Variants in NARS1 observed in about 807,000 individuals in gnomAD.
NARS1 encodes asparaginyl-tRNA synthetase 1, also known as asparagine--tRNA ligase, cytoplasmic.
A neutral mutation model predicts 79.2 loss-of-function variants in NARS1; 65 were observed. The ratio of observed to expected loss-of-function variants is 0.82; its 90% CI spans 0.67 to 1.01. The LOEUF (loss-of-function observed/expected upper bound fraction) is 1.01, where lower values mean the gene tolerates loss of function less well. Among genes scored for constraint, NARS1 ranks in the 50% least tolerant of loss-of-function variants. The pLI, the probability that NARS1 is intolerant of heterozygous loss-of-function variation, is 0.00. For missense variants in NARS1, 649 were observed against 673.8 expected, an observed-to-expected ratio of 0.96 and a Z score of 0.41; for synonymous variants, 229 against 238.8, an observed-to-expected ratio of 0.96 and a Z score of 0.38.
In NARS1 at chr18:57,607,292, A is replaced by G; in HGVS notation, c.843T>C (p.Gly281=). ...AATAGTCAAGCTTGAAGAGTGTGGC[A>G]CCACCTTCTACTTGTGTTTGCACTA... ...PTLVQTQVEG[G]ATLFKLDYFG... Residue 281 remains glycine (G), a synonymous_variant, in exon 9 of 14, where the codon GGT becomes GGC. Transcript: ENST00000256854. The G allele has an allele frequency of 6.2e-7, 1 of 1,614,170 alleles. No homozygotes were observed. The highest frequency in any genetic ancestry group is 8.5e-7 in the Non-Finnish European group (1 of 1,180,020).
intron 6 of NARS1, among the ~76,000 whole-genome samples, chr18:57,610,873 G>A (rs543715625): frequency 1.3e-5 from 2 of 151,956 alleles, no homozygotes; most frequent in African/African-American, 4.8e-5. Flanking sequence ...TAAAAAGGCA[G>A]TACGAACTGA....
intron 2 of NARS1, among the ~76,000 whole-genome samples, chr18:57,618,338 G>T (rs78030919): frequency 1.3e-5 from 2 of 149,982 alleles, no homozygotes; most frequent in African/African-American, 2.5e-5. Flanking sequence ...AAAACCAAGA[G>T]AGAAGGTCCC....
rs778721061 is a variant in NARS1, at chr18:57,602,879, C to A, written c.1316G>T (p.Arg439Leu). The change falls in exon 12 of 14, where the codon CGA becomes CTA. Residue 439 changes from arginine to leucine, a missense_variant. Physicochemically the swap from Arg to Leu is moderately radical, Grantham distance 102. Transcript: ENST00000256854. ...DTINEPILLC[R>L]FPVEIKSFYM... ...GAAGGACTTGATCTCCACAGGAAATCGACACAGCAAGATTGGTTCATTAAT... is the reference window on the plus strand; with the variant it reads ...GAAGGACTTGATCTCCACAGGAAATAGACACAGCAAGATTGGTTCATTAAT... The A allele has an allele frequency of 6.2e-6, 10 of 1,614,018 alleles. No individual in the cohort carries two copies. The highest frequency in any genetic ancestry group is 8.5e-6 in the Non-Finnish European group (10 of 1,179,942).
chr18:57,609,457 A>G lies in NARS1; in HGVS notation c.493-14T>C. 6.2e-7 allele frequency: 1 copy of G among 1,606,604 alleles called. No individual in the cohort carries two copies. The highest frequency in any genetic ancestry group is 1.1e-5 in the South Asian group (1 of 90,136). ...GTAGCACTGACACTATAAAAAGGTC[A>G]AAGCTCAAATTTAGTTATTCACATT... is the stretch of plus-strand genomic sequence containing the variant. On this transcript the variant is annotated splice_polypyrimidine_tract_variant and intron_variant, in intron 6 of 13. Coordinates refer to ENST00000256854, the MANE Select transcript of NARS1 (RefSeq NM_004539.4).
Position 57,609,356 on chromosome 18 carries a change from C to T in NARS1, c.579+1G>A. 1 of 1,611,930 alleles carries T rather than the reference C, an allele frequency of 6.2e-7. No homozygotes were observed. The highest frequency in any genetic ancestry group is 8.5e-7 in the Non-Finnish European group (1 of 1,178,406). On this transcript the variant is annotated splice_donor_variant, in intron 7 of 13. Transcript: ENST00000256854. LOFTEE classifies it high-confidence loss of function. ...CCCAGTGCGAAACTCAATCCACTCA[C>T]CTGCTTGCCCTTTGGGGTAAGATTT...
Position 57,615,676 on chromosome 18 carries a change from T to C in NARS1, c.307A>G (p.Ile103Val). Residue 103 changes from isoleucine to valine, a missense_variant, in exon 4 of 14, where the codon ATT becomes GTT. Coordinates refer to ENST00000256854, the MANE Select transcript of NARS1 (RefSeq NM_004539.4). ...KNLEEAKKIT[I>V]KNDPSLPEPK... is the part of the protein sequence containing the mutation. ...TCTGGGAGACTTGGATCATTTTTAA[T>C]GGTAATCTTCTTTGCTTCTTCCAGG... 6.2e-7 allele frequency: 1 copy of C among 1,613,160 alleles called. No homozygotes were observed. Among genetic ancestry groups the C allele is most frequent in the African/African-American group, 1.3e-5 (1 of 74,996 alleles).
Position 57,615,660 on chromosome 18 carries a change from C to G in NARS1, c.323G>C (p.Ser108Thr), listed in dbSNP as rs777515260. The change falls in exon 4 of 14, where the codon AGT becomes ACT. Residue 108 changes from serine to threonine, a missense_variant. Coordinates refer to ENST00000256854, the MANE Select transcript of NARS1 (RefSeq NM_004539.4). ...ACTTACACATTTTGGCTCTGGGAGA[C>G]TTGGATCATTTTTAATGGTAATCTT... is the stretch of plus-strand genomic sequence containing the variant. Reference protein sequence around the residue: ...AKKITIKNDPSLPEPKCVKIG... With the variant: ...AKKITIKNDPTLPEPKCVKIG... 3.1e-6 allele frequency: 5 copies of G among 1,612,396 alleles called. No homozygotes were observed. The South Asian group carries it at 3.3e-5, about 11-fold the overall frequency.
chr18:57,604,799 G>A (rs1264230235), intron 11 of NARS1, among the ~76,000 whole-genome samples: 5 of 152,094 alleles, frequency 3.3e-5, no homozygotes, highest in African/African-American at 9.7e-5. Flanking sequence ...TGATGTAGGA[G>A]GAACACTTGA....
intron 13 of NARS1, 95 bp downstream of exon 13, chr18:57,602,260 A>C: frequency 8.5e-7 from 1 of 1,176,718 alleles, no homozygotes; most frequent in Admixed American, 2.4e-5. Flanking sequence ...CAAATACCAA[A>C]GTACTACCCT....
Position 57,602,841 on chromosome 18 carries a change from A to G in NARS1, c.1354T>C (p.Cys452Arg). The change falls in exon 12 of 14, where the codon TGT becomes CGT. Residue 452 changes from cysteine (C) to arginine (R), a missense_variant. Cys to Arg is a radical substitution (Grantham distance 180). Transcript: ENST00000256854. ...VEIKSFYMQR[C>R]PEDSRLTESV... ...TCAGTAAGACGGGAATCCTCAGGAC[A>G]TCGCTGCATGTAGAAGGACTTGATC... is the stretch of plus-strand genomic sequence containing the variant. 6.2e-7 allele frequency: 1 copy of G among 1,614,148 alleles called. No homozygotes were observed. The highest frequency in any genetic ancestry group is 1.3e-5 in the African/African-American group (1 of 75,054).
intron 12 of NARS1, 78 bp downstream of exon 12, chr18:57,602,734 G>C: frequency 1.3e-6 from 2 of 1,501,054 alleles, no homozygotes; most frequent in Non-Finnish European, 1.8e-6. Context: ...TTTGGCATGA[G>C]CTGTACCTGA....
chr18:57,601,468 T>G lies in NARS1; in HGVS notation c.*184A>C. 1 of 532,766 alleles carries G rather than the reference T, an allele frequency of 1.9e-6. No homozygotes were observed. Among genetic ancestry groups the G allele is most frequent in the Non-Finnish European group, 3.0e-6 (1 of 337,506 alleles). The allele number at this position is 532,766 out of a possible 1,614,324, so 33.0% of individuals were successfully genotyped here. A position where few individuals can be genotyped will look rare whatever the true frequency, so the allele number is the denominator to read the frequency against. On this transcript the variant is annotated 3_prime_UTR_variant, in exon 14 of 14. Transcript: ENST00000256854. ...TAAGAAAAAAATGGATATTTTTTCT[T>G]AAGATGACAACCTTAATATCACTTG...
intron 11 of NARS1, among the ~76,000 whole-genome samples, chr18:57,605,557 A>C (rs1459804542): frequency 6.7e-6 from 1 of 148,382 alleles, no homozygotes; most frequent in African/African-American, 2.5e-5. Context: ...CAGTGAGCCG[A>C]GATCTGAGAT....
chr18:57,611,716 T>C lies in NARS1; in HGVS notation c.422-9A>G. ...AAACATTAAATTCTTTCCTAAAAAA[T>C]GAGAAATAATAATTTAGGCAGACTG... On this transcript the variant is annotated splice_polypyrimidine_tract_variant and intron_variant, in intron 5 of 13. Transcript: ENST00000256854. 1 of 1,542,666 alleles carries C rather than the reference T, an allele frequency of 6.5e-7. No individual in the cohort carries two copies. Among genetic ancestry groups the C allele is most frequent in the South Asian group, 1.2e-5 (1 of 83,374 alleles).
chr18:57,619,031 T>C (rs890710271), intron 2 of NARS1, among the ~76,000 whole-genome samples: 3 of 152,144 alleles, frequency 2.0e-5, no homozygotes, highest in African/African-American at 7.2e-5. Flanking sequence ...TAACTATAAA[T>C]GTTGTAACAC....
In NARS1 at chr18:57,606,009, T is replaced by C. The variant is rs764162456; in HGVS notation, c.1138-39A>G. ...GAAAAATATAATGTGTATATATACA[T>C]AAATATAAACATTAACACTAAAATT... On this transcript the variant is annotated intron_variant, in intron 10 of 13. Transcript: ENST00000256854. 10 of 1,263,038 alleles carry C rather than the reference T, an allele frequency of 7.9e-6. 1 individual carries two copies. Among genetic ancestry groups the C allele is most frequent in the Non-Finnish European group, 1.1e-5 (10 of 899,230 alleles). 78.2% of individuals were successfully genotyped at this position (1,263,038 alleles called of 1,614,324 possible).
Position 57,621,815 on chromosome 18 carries a change from T to C in NARS1, c.-98A>G. ...ACCGGCGGTTTCCGCGATTCCGGCG[T>C]TGCATCAGAGAGCGTAGATCTGAGG... On this transcript the variant is annotated 5_prime_UTR_variant, in exon 1 of 14. Coordinates refer to ENST00000256854, the MANE Select transcript of NARS1 (RefSeq NM_004539.4). 6.3e-7 allele frequency: 1 copy of C among 1,594,230 alleles called. No homozygotes were observed. The highest frequency in any genetic ancestry group is 2.3e-5 in the East Asian group (1 of 42,936).
At chr18:57,612,452 T>C (rs954940723) in intron 5 of NARS1, among the ~76,000 whole-genome samples, 2 of 152,246 alleles carry the variant, frequency 1.3e-5, no homozygotes, top group African/African-American at 4.8e-5. Context: ...CGCTTTTTTT[T>C]CAGATGGAGT....
intron 11 of NARS1, among the ~76,000 whole-genome samples, chr18:57,604,115 G>C (rs1054343944): frequency 6.6e-6 from 1 of 152,258 alleles, no homozygotes; most frequent in African/African-American, 2.4e-5. Context: ...CAAAAGAAAA[G>C]AGGTGGGAGC....
Sources: gnomAD v4.1 joint callset for allele counts (sites outside exome capture counted in the v4.1 genomes callset) on GRCh38, gnomAD v4.1.1 for gene constraint, MANE v1.5 for transcripts, NCBI Gene and HGNC (gene_info 2026-07-23, HGNC 2026-07-21) for gene names.